PLXDC2: variants seen among roughly 807,000 people sequenced by gnomAD.
The protein encoded by PLXDC2 is plexin domain containing 2, also known as plexin domain-containing protein 2.
A neutral mutation model predicts 68.9 loss-of-function variants in PLXDC2; 40 were observed. That is an observed-to-expected ratio of 0.58 (90% CI 0.45 to 0.76). PLXDC2 has a LOEUF of 0.76. Among genes scored for constraint, PLXDC2 ranks in the 30% least tolerant of loss-of-function variants. The pLI, the probability that PLXDC2 is intolerant of heterozygous loss-of-function variation, is 0.00. For missense variants in PLXDC2, 644 were observed against 661.9 expected (o/e 0.97, Z 0.30); for synonymous variants, 243 against 234.2 (o/e 1.04, Z -0.34).
chr10:19,934,396 G>A (rs1204549477), intron 1 of PLXDC2, among the ~76,000 whole-genome samples: 4 of 152,146 alleles, frequency 2.6e-5, no homozygotes, highest in African/African-American at 4.8e-5. Context: ...TGGTACTTCC[G>A]TGTAATGACC....
chr10:20,138,578 A>G (rs1833962502), intron 4 of PLXDC2, among the ~76,000 whole-genome samples: 1 of 152,212 alleles, frequency 6.6e-6, no homozygotes, highest in African/African-American at 2.4e-5. Flanking sequence ...CACTAATTGC[A>G]CCATTATTCT....
chr10:20,132,750 A>AGAAC (rs1268927916), intron 4 of PLXDC2, among the ~76,000 whole-genome samples: 1 of 127,870 alleles, frequency 7.8e-6, no homozygotes, highest in African/African-American at 2.9e-5. Flanking sequence ...TCTTTTGTAA[A>AGAAC]GAACATATAG....
chr10:19,977,761 A>C (rs1056666876), intron 1 of PLXDC2, among the ~76,000 whole-genome samples: 1 of 151,814 alleles, frequency 6.6e-6, no homozygotes, highest in Non-Finnish European at 1.5e-5. Context: ...GGGAAATCTC[A>C]TGTGTCTTTC....
At chr10:19,962,460 G>A (rs1314979399) in intron 1 of PLXDC2, among the ~76,000 whole-genome samples, 2 of 132,478 alleles carry the variant, frequency 1.5e-5, no homozygotes, top group Admixed American at 8.6e-5. Flanking sequence ...GCACGATCTC[G>A]GCTCACTGCA....
intron 1 of PLXDC2, among the ~76,000 whole-genome samples, chr10:19,937,964 G>A (rs1564633670): frequency 6.6e-6 from 1 of 151,940 alleles, no homozygotes; most frequent in African/African-American, 2.4e-5. Context: ...TTAGGCACAG[G>A]GTAACAATAG....
At chr10:20,103,705 G>A (rs2131741681) in intron 4 of PLXDC2, among the ~76,000 whole-genome samples, 1 of 149,036 alleles carries the variant, frequency 6.7e-6, no homozygotes, top group Non-Finnish European at 1.5e-5. Flanking sequence ...GCGGTGGCAC[G>A]ATCTCGGCTC....
chr10:20,016,320 G>T (rs1835209444), intron 2 of PLXDC2, among the ~76,000 whole-genome samples: 1 of 152,206 alleles, frequency 6.6e-6, no homozygotes, highest in Non-Finnish European at 1.5e-5. Flanking sequence ...TTCTGACCAA[G>T]AAAACCAAGA....
chr10:20,269,512 A>T (rs1299154432), intron 13 of PLXDC2, among the ~76,000 whole-genome samples: 1 of 152,146 alleles, frequency 6.6e-6, no homozygotes, highest in Non-Finnish European at 1.5e-5. Context: ...AAGGGGAGAT[A>T]CCTTTTCAGA....
chr10:19,986,792 C>T (rs1010491566), intron 1 of PLXDC2, among the ~76,000 whole-genome samples: 35 of 152,248 alleles, frequency 2.3e-4, no homozygotes, highest in African/African-American at 7.9e-4. Context: ...TGCTTTTCCT[C>T]TGGGGAAATG....
intron 1 of PLXDC2, among the ~76,000 whole-genome samples, chr10:19,832,407 A>G (rs1836710490): frequency 6.6e-6 from 1 of 152,202 alleles, no homozygotes; most frequent in Non-Finnish European, 1.5e-5. Context: ...AATAAAATAG[A>G]CTGTTGTAGG....
chr10:19,856,361 CACAA>C (rs1837212239), intron 1 of PLXDC2, among the ~76,000 whole-genome samples: 4 of 141,344 alleles, frequency 2.8e-5, no homozygotes, highest in South Asian at 4.4e-4. Flanking sequence ...TTTATACACA[CACAA>C]ACACACACAC....
chr10:20,002,069 T>A (rs1834951397), intron 2 of PLXDC2, 83 bp downstream of exon 2: 5 of 1,316,820 alleles, frequency 3.8e-6, no homozygotes, highest in Non-Finnish European at 5.2e-6. Flanking sequence ...ACATAAGTTG[T>A]CTCTTCATCT....
chr10:20,083,772 T>C lies in PLXDC2; in HGVS notation c.541+15533T>C, dbSNP rs1412673190. Among the ~76,000 whole-genome samples, 5 of 152,156 alleles carry C rather than the reference T, an allele frequency of 3.3e-5. No homozygotes were observed. The South Asian group carries it at 6.2e-4, about 19-fold the overall frequency. On this transcript the variant is annotated intron_variant, in intron 4 of 13. Coordinates refer to ENST00000377252, the MANE Select transcript of PLXDC2 (RefSeq NM_032812.9). Reference sequence around the variant, plus strand: ...TAAGAAAAATTATTTAAATTGTGTATTAAAGGGCTTATGAGTACCATTCTA... The same window carrying C: ...TAAGAAAAATTATTTAAATTGTGTACTAAAGGGCTTATGAGTACCATTCTA...
chr10:19,918,541 C>T (rs1833407417), intron 1 of PLXDC2, among the ~76,000 whole-genome samples: 1 of 152,068 alleles, frequency 6.6e-6, no homozygotes, highest in South Asian at 2.1e-4. Context: ...TTGAGCAAAT[C>T]GATGCAACTA....
intron 1 of PLXDC2, among the ~76,000 whole-genome samples, chr10:19,834,827 G>A (rs1244289592): frequency 1.3e-5 from 2 of 152,208 alleles, no homozygotes; most frequent in Non-Finnish European, 2.9e-5. Flanking sequence ...CCTTTGCCAG[G>A]TAGAGGTTAC....
intron 13 of PLXDC2, among the ~76,000 whole-genome samples, chr10:20,259,375 A>G (rs1164708062): frequency 6.6e-6 from 1 of 152,260 alleles, no homozygotes; most frequent in Non-Finnish European, 1.5e-5. Flanking sequence ...AATGCTGATG[A>G]AAGATTCTGG....
At chr10:19,824,492 AT>A (rs1836536245) in intron 1 of PLXDC2, among the ~76,000 whole-genome samples, 1 of 152,194 alleles carries the variant, frequency 6.6e-6, no homozygotes, top group Non-Finnish European at 1.5e-5. Context: ...AATCTGATGA[AT>A]TCCAGCCCTT....
intron 1 of PLXDC2, 112 bp downstream of exon 1, chr10:19,817,303 C>G: frequency 1.1e-6 from 1 of 872,572 alleles, no homozygotes; most frequent in Non-Finnish European, 1.8e-6. Context: ...CCTTGGGAAA[C>G]TTATTGCAGT....
Position 20,217,489 on chromosome 10 carries a change from G to A in PLXDC2, c.1186G>A (p.Val396Ile), listed in dbSNP as rs3817405. ...VETSSRTTTT[V>I]GATTTQFRVL... ...AACTTCTTCTCGAACCACCACAACCGTAGGAGCGACAACCACCCAGTTCAG... is the reference window on the plus strand; with the variant it reads ...AACTTCTTCTCGAACCACCACAACCATAGGAGCGACAACCACCCAGTTCAG... The change falls in exon 11 of 14, where the codon GTA becomes ATA. Residue 396 changes from valine to isoleucine, a missense_variant. Physicochemically the swap from Val to Ile is conservative, Grantham distance 29. Coordinates refer to ENST00000377252, the MANE Select transcript of PLXDC2 (RefSeq NM_032812.9). The A allele has an allele frequency of 0.66, 1,055,555 of 1,611,310 alleles. 350,891 individuals carry two copies. The highest frequency in any genetic ancestry group is 0.79 in the Middle Eastern group (4,787 of 6,054).
Sources: allele counts gnomAD v4.1 joint callset (sites outside exome capture counted in the v4.1 genomes callset), GRCh38; gene constraint gnomAD v4.1.1; transcripts MANE v1.5; gene names NCBI Gene and HGNC (gene_info 2026-07-23, HGNC 2026-07-21).